Variants in MAP3K13 observed in about 807,000 individuals in gnomAD.
MAP3K13 encodes mitogen-activated protein kinase kinase kinase 13.
In MAP3K13, 52 loss-of-function variants were observed where a neutral mutation model predicts 104.0. That is an observed-to-expected ratio of 0.50 (90% CI 0.40 to 0.63). The LOEUF is 0.63. Among genes scored for constraint, MAP3K13 ranks in the 20% least tolerant of loss-of-function variants. The probability of loss-of-function intolerance (pLI) is 0.00; values close to 1 mark genes in which losing one functional copy is unlikely to be tolerated. For missense variants in MAP3K13, 914 were observed against 1,218.5 expected (o/e 0.75, Z 3.72); for synonymous variants, 394 against 442.2 (o/e 0.89, Z 1.37).
chr3:185,466,235 C>T lies in MAP3K13; in HGVS notation c.1505+372C>T, dbSNP rs903732756. Among the ~76,000 whole-genome samples, 3 of 152,138 alleles carry T rather than the reference C, an allele frequency of 2.0e-5. No homozygotes were observed. In the East Asian group the frequency reaches 5.8e-4, roughly 29 times the overall value. ...GCAAGAAAACCCTGGGAATCCTGAC[C>T]AAATAAGCAGCTACTGAAAACAAGC... On this transcript the variant is annotated intron_variant, in intron 9 of 13. Transcript: ENST00000265026.
chr3:185,363,007 C>T, upstream of MAP3K13: 1 of 834,562 alleles, frequency 1.2e-6, no homozygotes, highest in Non-Finnish European at 1.4e-6. Flanking sequence ...TGTCTTAAGG[C>T]AGTGGCAGAT....
intron 1 of MAP3K13, among the ~76,000 whole-genome samples, chr3:185,364,660 C>T (rs1187686550): frequency 1.3e-5 from 2 of 152,156 alleles, no homozygotes; most frequent in African/African-American, 4.8e-5. Flanking sequence ...GAGGATGTAA[C>T]ATTGTCTTTT....
In MAP3K13 at chr3:185,418,797, C is replaced by T; in HGVS notation, c.-85-9700C>T. ...ACGCCATGGCGGAGAGAGGAGACAG[C>T]CACGCTCCTCTCAGCCCGGCTGCTG... On this transcript the variant is annotated intron_variant, in intron 1 of 13. Coordinates refer to ENST00000265026, the MANE Select transcript of MAP3K13 (RefSeq NM_004721.5). This position sits in a 1 kb window ranked among gnomAD's most constrained non-coding sequence, Gnocchi z 4.5. The T allele has an allele frequency of 6.3e-7, 1 of 1,586,712 alleles. No homozygotes were observed. The highest frequency in any genetic ancestry group is 1.1e-5 in the South Asian group (1 of 89,252).
chr3:185,467,605 A>C (rs2148918395), intron 10 of MAP3K13, among the ~76,000 whole-genome samples: 1 of 152,140 alleles, frequency 6.6e-6, no homozygotes, highest in South Asian at 2.1e-4. Context: ...CAACATGGTG[A>C]AACCCCATCT....
At chr3:185,425,309 C>A (rs1488546833) in intron 1 of MAP3K13, among the ~76,000 whole-genome samples, 2 of 152,202 alleles carry the variant, frequency 1.3e-5, no homozygotes, top group African/African-American at 4.8e-5. Context: ...ACCTTTCTTT[C>A]TGGCATTTCA....
chr3:185,365,841 T>C (rs1414613481), intron 1 of MAP3K13, among the ~76,000 whole-genome samples: 37 of 53,694 alleles, frequency 6.9e-4, no homozygotes, highest in Admixed American at 1.3e-3. Flanking sequence ...CCTCCCTACC[T>C]CTTTCTCCCC....
chr3:185,368,721 C>T (rs1442707017), intron 1 of MAP3K13, among the ~76,000 whole-genome samples: 1 of 152,158 alleles, frequency 6.6e-6, no homozygotes, highest in East Asian at 1.9e-4. Flanking sequence ...CTCTGAGAGG[C>T]CAAGGCAGGC....
At chr3:185,327,804 C>T (rs777194043) in intron 2 of MAP3K13, among the ~76,000 whole-genome samples, 2 of 151,858 alleles carry the variant, frequency 1.3e-5, no homozygotes, top group Non-Finnish European at 2.9e-5. Flanking sequence ...CTCAGGTATT[C>T]GGGAGGCTGA....
chr3:185,447,472 C>T (rs1213236242), intron 4 of MAP3K13, among the ~76,000 whole-genome samples: 5 of 109,396 alleles, frequency 4.6e-5, no homozygotes, highest in East Asian at 3.2e-4. Context: ...CCAGCCTGGG[C>T]GGCAAGAGTG....
chr3:185,301,326 T>A (rs9874224), intron 2 of MAP3K13, among the ~76,000 whole-genome samples: 32,810 of 151,074 alleles, frequency 0.22, 3,776 homozygotes, highest in African/African-American at 0.27. Flanking sequence ...TTTTTTTTTT[T>A]TTATTATTGA....
intron 7 of MAP3K13, 37 bp from the exon 8 acceptor site, chr3:185,463,513 C>T: frequency 7.9e-7 from 1 of 1,265,458 alleles, no homozygotes; most frequent in Non-Finnish European, 1.2e-6. Context: ...GATTGAAACT[C>T]CTGGAATTTA....
chr3:185,353,795 A>G (rs548055628), intron 2 of MAP3K13, among the ~76,000 whole-genome samples: 23 of 152,266 alleles, frequency 1.5e-4, no homozygotes, highest in South Asian at 8.3e-4. Context: ...TTTGATATGG[A>G]CCTTGGGGGA....
At chr3:185,336,918 C>A (rs1722526815) in intron 2 of MAP3K13, among the ~76,000 whole-genome samples, 1 of 152,230 alleles carries the variant, frequency 6.6e-6, no homozygotes, top group South Asian at 2.1e-4. Flanking sequence ...ATTTAATCAT[C>A]TGTCTGTGTC....
chr3:185,446,663 T>C (rs148370543), intron 4 of MAP3K13, among the ~76,000 whole-genome samples: 1 of 152,334 alleles, frequency 6.6e-6, no homozygotes, highest in Non-Finnish European at 1.5e-5. Flanking sequence ...TAAGCTTGGA[T>C]TTATTTCTGC....
At chr3:185,393,973 A>C (rs962749970) in intron 1 of MAP3K13, among the ~76,000 whole-genome samples, 8 of 152,164 alleles carry the variant, frequency 5.3e-5, no homozygotes, top group Non-Finnish European at 8.8e-5. Flanking sequence ...GGAGGAATGA[A>C]AGAGAAAAGT....
Position 185,466,466 on chromosome 3 carries a change from TC to T in MAP3K13, c.1506-357del, listed in dbSNP as rs1717435123. ...ATCTCAGCTCACTGCAACCTCCGCC[TC>T]CCGGATTCAAGTGATTCTCCTGCCT... On this transcript the variant is annotated intron_variant, in intron 9 of 13. Transcript: ENST00000265026. Among the ~76,000 whole-genome samples, 7 of 137,056 alleles carry T rather than the reference TC, an allele frequency of 5.1e-5. No homozygotes were observed. In the Admixed American group the frequency reaches 5.7e-4, roughly 11 times the overall value. The allele number at this position is 137,056 out of a possible 152,430, so 89.9% of individuals were successfully genotyped here.
intron 1 of MAP3K13, among the ~76,000 whole-genome samples, chr3:185,398,377 A>C (rs551793924): frequency 6.6e-6 from 1 of 152,218 alleles, no homozygotes; most frequent in Non-Finnish European, 1.5e-5. Flanking sequence ...TATCCTGTGA[A>C]GGCAGATGAG....
rs1057360108 is a variant in MAP3K13 at position 185,486,338 on chromosome 3, T to C, written c.*3882T>C. ...ATTCATTGTATAGTCGAGAGTTGAA[T>C]AAAGTCCATATTGAACACATTTTTT... is the stretch of plus-strand genomic sequence containing the variant. On this transcript the variant is annotated 3_prime_UTR_variant, in exon 14 of 14. Coordinates refer to ENST00000265026, the MANE Select transcript of MAP3K13 (RefSeq NM_004721.5). 1 of 152,240 alleles carries C rather than the reference T, an allele frequency of 6.6e-6. No homozygotes were observed. The highest frequency in any genetic ancestry group is 1.5e-5 in the Non-Finnish European group (1 of 68,054). 9.4% of individuals were successfully genotyped at this position (152,240 alleles called of 1,614,324 possible).
At position 185,450,032 on chromosome 3, in the gene MAP3K13, A is replaced by T. The variant is rs1270247673; in HGVS notation, c.1143A>T (p.Gly381=). Residue 381 remains glycine (G), a synonymous_variant, in exon 6 of 14, where the codon GGA becomes GGT. Transcript: ENST00000265026. This position sits in a 1 kb window ranked among gnomAD's most constrained non-coding sequence, Gnocchi z 4.2. ...CAGTTCCTTCCACTTGCCCTGATGGATTCAAAATCCTTATGAAACAGACGT... is the reference window on the plus strand; with the variant it reads ...CAGTTCCTTCCACTTGCCCTGATGGTTTCAAAATCCTTATGAAACAGACGT... The part of the protein sequence containing the change: ...HLPVPSTCPD[G]FKILMKQTWQ... 1 of 1,612,056 alleles carries T rather than the reference A, an allele frequency of 6.2e-7. No homozygotes were observed. Among genetic ancestry groups the T allele is most frequent in the Non-Finnish European group, 8.5e-7 (1 of 1,179,292 alleles).
Sources: allele counts gnomAD v4.1 joint callset (sites outside exome capture counted in the v4.1 genomes callset), GRCh38; gene constraint gnomAD v4.1.1; non-coding constraint Gnocchi (gnomAD v3.1); transcripts MANE v1.5; gene names NCBI Gene and HGNC (gene_info 2026-07-23, HGNC 2026-07-21).